HS6ST3: variants seen among roughly 807,000 people sequenced by gnomAD.
The protein encoded by HS6ST3 is heparan sulfate 6-O-sulfotransferase 3, also known as heparan-sulfate 6-O-sulfotransferase 3.
Under a neutral mutation model 36.7 loss-of-function variants are expected in HS6ST3, and 12 were observed. That is an observed-to-expected ratio of 0.33 (90% CI 0.21 to 0.53). The LOEUF (loss-of-function observed/expected upper bound fraction) is 0.53, where lower values mean the gene tolerates loss of function less well. Ranked by LOEUF, HS6ST3 falls within the 20% of genes least tolerant of loss-of-function variation. The pLI is 0.95. For missense variants in HS6ST3, 584 were observed against 640.9 expected (o/e 0.91, Z 0.96); for synonymous variants, 240 against 257.5 (o/e 0.93, Z 0.65).
intron 1 of HS6ST3, among the ~76,000 whole-genome samples, chr13:96,201,032 G>A (rs1402104891): frequency 6.6e-6 from 1 of 152,140 alleles, no homozygotes; most frequent in Non-Finnish European, 1.5e-5. Flanking sequence ...AGACACAGTT[G>A]ATAAACGACA....
Position 96,302,741 on chromosome 13 carries a change from C to A in HS6ST3, c.707+211172C>A, listed in dbSNP as rs915642481. Reference sequence around the variant, plus strand: ...GTATTTCTCAAAGGATAATAATATACGTATAATATATAATATTGAGATATA... The same window carrying A: ...GTATTTCTCAAAGGATAATAATATAAGTATAATATATAATATTGAGATATA... On this transcript the variant is annotated intron_variant, in intron 1 of 1. Coordinates refer to ENST00000376705, the MANE Select transcript of HS6ST3 (RefSeq NM_153456.4). 2.0e-5 allele frequency among the ~76,000 whole-genome samples: 3 copies of A among 151,926 alleles called. No individual in the cohort carries two copies. In the South Asian group the frequency reaches 6.2e-4, roughly 32 times the overall value.
At chr13:96,578,415 C>T (rs2056329517) in intron 1 of HS6ST3, among the ~76,000 whole-genome samples, 1 of 152,182 alleles carries the variant, frequency 6.6e-6, no homozygotes, top group South Asian at 2.1e-4. Flanking sequence ...GCCTTCCACA[C>T]ACTTGACGAA....
chr13:96,502,170 A>T (rs946330221), intron 1 of HS6ST3, among the ~76,000 whole-genome samples: 2 of 152,116 alleles, frequency 1.3e-5, no homozygotes, highest in African/African-American at 4.8e-5. Flanking sequence ...ACTGTTCCTG[A>T]CCAGATTGGA....
At chr13:96,547,718 A>C (rs2056202864) in intron 1 of HS6ST3, among the ~76,000 whole-genome samples, 1 of 152,084 alleles carries the variant, frequency 6.6e-6, no homozygotes, top group Non-Finnish European at 1.5e-5. Flanking sequence ...CGTTTGTGGC[A>C]TAAGTTGTTT....
chr13:96,512,812 A>G (rs1293847344), intron 1 of HS6ST3, among the ~76,000 whole-genome samples: 3 of 151,886 alleles, frequency 2.0e-5, no homozygotes, highest in East Asian at 3.9e-4. Flanking sequence ...GTGGGTAATT[A>G]TATCATCCAT....
chr13:96,580,131 A>G (rs976382487), intron 1 of HS6ST3, among the ~76,000 whole-genome samples: 1 of 150,604 alleles, frequency 6.6e-6, no homozygotes, highest in Non-Finnish European at 1.5e-5. Flanking sequence ...AGTCAATTTG[A>G]CTGAGGAATA....
intron 1 of HS6ST3, among the ~76,000 whole-genome samples, chr13:96,680,099 T>C (rs1308008962): frequency 6.6e-6 from 1 of 152,114 alleles, no homozygotes; most frequent in Non-Finnish European, 1.5e-5. Flanking sequence ...ATGATGCCAG[T>C]GTCTGTGGAT....
intron 1 of HS6ST3, among the ~76,000 whole-genome samples, chr13:96,682,213 A>G (rs1185226764): frequency 6.6e-6 from 1 of 152,140 alleles, no homozygotes; most frequent in African/African-American, 2.4e-5. Flanking sequence ...ATACATGCCT[A>G]TATGCTTTTG....
chr13:96,591,457 A>G (rs747059201), intron 1 of HS6ST3, among the ~76,000 whole-genome samples: 12 of 152,054 alleles, frequency 7.9e-5, no homozygotes, highest in Non-Finnish European at 1.0e-4. Context: ...ATGTGCAGCT[A>G]TTCTAAATGG....
At position 96,462,224 on chromosome 13, in the gene HS6ST3, C is replaced by T. The variant is rs541040296; in HGVS notation, c.708-370266C>T. ...AGCTAGGACAACAAGTGTGTGCCAC[C>T]ATGCCAGACTAGTTTTTAAAGTTTT... On this transcript the variant is annotated intron_variant, in intron 1 of 1. Coordinates refer to ENST00000376705, the MANE Select transcript of HS6ST3 (RefSeq NM_153456.4). 8.5e-5 allele frequency among the ~76,000 whole-genome samples: 13 copies of T among 152,114 alleles called. No individual in the cohort carries two copies. In the South Asian group the frequency reaches 1.0e-3, roughly 12 times the overall value.
chr13:96,702,429 T>C (rs1455819769), intron 1 of HS6ST3, among the ~76,000 whole-genome samples: 1 of 152,230 alleles, frequency 6.6e-6, no homozygotes, highest in Non-Finnish European at 1.5e-5. Flanking sequence ...TTGGCATTTT[T>C]TAAAAGAAAA....
At chr13:96,829,890 G>A (rs368971295) in intron 1 of HS6ST3, among the ~76,000 whole-genome samples, 2 of 152,100 alleles carry the variant, frequency 1.3e-5, no homozygotes, top group African/African-American at 4.8e-5. Context: ...TCAAATGATA[G>A]TTCTGTCTTT....
intron 1 of HS6ST3, among the ~76,000 whole-genome samples, chr13:96,481,433 T>C (rs1849878395): frequency 1.3e-5 from 2 of 152,320 alleles, no homozygotes; most frequent in South Asian, 4.2e-4. Flanking sequence ...AAGCCCACAG[T>C]AAGCTTTCAG....
intron 1 of HS6ST3, among the ~76,000 whole-genome samples, chr13:96,545,216 T>C (rs2056193312): frequency 6.6e-6 from 1 of 152,166 alleles, no homozygotes; most frequent in Non-Finnish European, 1.5e-5. Flanking sequence ...TTCTGCTACT[T>C]ATCTGGATCG....
intron 1 of HS6ST3, among the ~76,000 whole-genome samples, chr13:96,421,431 A>C (rs1256616674): frequency 1.3e-5 from 2 of 152,214 alleles, no homozygotes; most frequent in Non-Finnish European, 2.9e-5. Context: ...ATCTGATTAT[A>C]ATATTCACTT....
chr13:96,186,298 T>C (rs1402547268), intron 1 of HS6ST3, among the ~76,000 whole-genome samples: 1 of 152,214 alleles, frequency 6.6e-6, no homozygotes, highest in Non-Finnish European at 1.5e-5. Context: ...CAGTTCAGCC[T>C]GAGAAAGGTG....
intron 1 of HS6ST3, among the ~76,000 whole-genome samples, chr13:96,539,879 C>T (rs563908513): frequency 6.6e-6 from 1 of 152,286 alleles, no homozygotes; most frequent in South Asian, 2.1e-4. Flanking sequence ...TTCAACTACT[C>T]CCTTATGGCC....
intron 1 of HS6ST3, among the ~76,000 whole-genome samples, chr13:96,427,552 ATATAT>A (rs2055593364): frequency 6.6e-6 from 1 of 151,778 alleles, no homozygotes; most frequent in African/African-American, 2.4e-5. Flanking sequence ...TTATATTATG[ATATAT>A]TATTTTAATT....
chr13:96,674,126 G>A (rs937639462), intron 1 of HS6ST3, among the ~76,000 whole-genome samples: 1 of 152,090 alleles, frequency 6.6e-6, no homozygotes, highest in African/African-American at 2.4e-5. Flanking sequence ...TGGATCATGG[G>A]TGTGGCTTCC....
Sources: allele counts gnomAD v4.1 joint callset (sites outside exome capture counted in the v4.1 genomes callset), GRCh38; gene constraint gnomAD v4.1.1; transcripts MANE v1.5; gene names NCBI Gene and HGNC (gene_info 2026-07-23, HGNC 2026-07-21).